Variants in CACNA1A observed in about 807,000 individuals in gnomAD.
CACNA1A encodes voltage-dependent P/Q-type calcium channel subunit alpha-1A.
In CACNA1A, 57 loss-of-function variants were observed where a neutral mutation model predicts 262.4. That is an observed-to-expected ratio of 0.22 (90% CI 0.18 to 0.27). The LOEUF (loss-of-function observed/expected upper bound fraction) is 0.27. Among genes scored for constraint, CACNA1A ranks in the 10% least tolerant of loss-of-function variants. The pLI, the probability that CACNA1A is intolerant of heterozygous loss-of-function variation, is 1.00. For missense variants in CACNA1A, 2,526 were observed against 3,562.8 expected, an observed-to-expected ratio of 0.71 and a Z score of 7.41; for synonymous variants, 1,431 against 1,419.3, an observed-to-expected ratio of 1.01 and a Z score of -0.18.
chr19:13,460,131 C>T (rs11882326), intron 1 of CACNA1A, among the ~76,000 whole-genome samples: 23,057 of 152,092 alleles, frequency 0.15, 2,020 homozygotes, highest in East Asian at 0.25. Context: ...TGACCTCAGA[C>T]CCTTGCTACT....
At chr19:13,384,338 G>C (rs2144620112) in intron 3 of CACNA1A, among the ~76,000 whole-genome samples, 1 of 152,310 alleles carries the variant, frequency 6.6e-6, no homozygotes, top group South Asian at 2.1e-4. Context: ...CCCCAGTGGA[G>C]AGGGAGAAGA....
At chr19:13,480,773 T>G (rs1253836793) in intron 1 of CACNA1A, among the ~76,000 whole-genome samples, 1 of 152,242 alleles carries the variant, frequency 6.6e-6, no homozygotes, top group Non-Finnish European at 1.5e-5. Context: ...ACTATATTTA[T>G]CTATGAATAT....
chr19:13,434,664 G>A (rs1439941634), intron 3 of CACNA1A, among the ~76,000 whole-genome samples: 1 of 152,154 alleles, frequency 6.6e-6, no homozygotes, highest in East Asian at 1.9e-4. Flanking sequence ...ATGATTGTAA[G>A]TTTCCTGAGG....
chr19:13,359,702 G>A lies in CACNA1A; in HGVS notation c.882C>T (p.Pro294=), dbSNP rs1327769750. The stretch of plus-strand genomic sequence containing the variant: ...TGTCGAACTGAGTGATCCCGTTGTT[G>A]GGCCCTTCCCAGTAGGGCTGACATT... ...GTKCQPYWEG[P]NNGITQFDNI... Residue 294 remains proline (P), a synonymous_variant, in exon 6 of 47, where the codon CCC becomes CCT. Transcript: ENST00000360228. 6 of 1,598,444 alleles carry A rather than the reference G, an allele frequency of 3.8e-6. No individual in the cohort carries two copies. The highest frequency in any genetic ancestry group is 1.1e-5 in the South Asian group (1 of 88,234).
chr19:13,487,125 T>C (rs1345823369), intron 1 of CACNA1A, among the ~76,000 whole-genome samples: 1 of 152,194 alleles, frequency 6.6e-6, no homozygotes, highest in African/African-American at 2.4e-5. Context: ...CTCCCCATCA[T>C]TAATTTCACT....
intron 21 of CACNA1A, 32 bp downstream of exon 21, chr19:13,285,036 C>A (rs750911731): frequency 2.5e-6 from 4 of 1,603,498 alleles, no homozygotes; most frequent in East Asian, 2.2e-5. Context: ...GAGCCCCAGG[C>A]CCCCCCTGCC....
intron 7 of CACNA1A, among the ~76,000 whole-genome samples, chr19:13,335,062 G>C (rs749738827): frequency 6.6e-6 from 1 of 151,614 alleles, no homozygotes; most frequent in Non-Finnish European, 1.5e-5. Context: ...GAAAAAAACC[G>C]AAAGGATAAA....
At chr19:13,259,944 C>T (rs769949912) in intron 26 of CACNA1A, 12 of 480,424 alleles carry the variant, frequency 2.5e-5, no homozygotes, top group Non-Finnish European at 4.2e-5. Context: ...GGAGAGCTGA[C>T]CCAGGGTCCA....
Position 13,236,958 on chromosome 19 carries a change from G to A in CACNA1A, c.4951-1228C>T, listed in dbSNP as rs1358128440. ...CAAATCTAGCTAATAAAACTGTTTT[G>A]TTGGGCCCGAGCAGTGTTTTTTCAT... On this transcript the variant is annotated intron_variant, in intron 31 of 46. Transcript: ENST00000360228. The surrounding 1 kb of genome is among the most constrained non-coding windows in gnomAD (Gnocchi z 4.6). Among the ~76,000 whole-genome samples, 1 of 152,102 alleles carries A rather than the reference G, an allele frequency of 6.6e-6. No individual in the cohort carries two copies.
chr19:13,300,940 A>AT (rs372192273), intron 17 of CACNA1A, among the ~76,000 whole-genome samples: 57 of 150,754 alleles, frequency 3.8e-4, no homozygotes, highest in African/African-American at 4.9e-4. Flanking sequence ...CCTGCAGCCT[A>AT]TTTTTTTTTC....
chr19:13,307,861 G>A lies in CACNA1A; in HGVS notation c.1914-7C>T, dbSNP rs2145002450. Reference sequence around the variant, plus strand: ...CCCTTCATCGAAATTAAACCTGCAGGGAGGACACAGACATTTCACGTTGGC... The same window carrying A: ...CCCTTCATCGAAATTAAACCTGCAGAGAGGACACAGACATTTCACGTTGGC... On this transcript the variant is annotated splice_polypyrimidine_tract_variant and splice_region_variant and intron_variant, in intron 14 of 46. Coordinates refer to ENST00000360228, the MANE Select transcript of CACNA1A (RefSeq NM_001127222.2). 1.9e-6 allele frequency: 3 copies of A among 1,613,066 alleles called. No homozygotes were observed. The highest frequency in any genetic ancestry group is 1.3e-5 in the African/African-American group (1 of 75,024).
At position 13,299,109 on chromosome 19, in the gene CACNA1A, C is replaced by T. The variant is rs767534576; in HGVS notation, c.2524G>A (p.Glu842Lys). 5.6e-6 allele frequency: 9 copies of T among 1,612,120 alleles called. No homozygotes were observed. The highest frequency in any genetic ancestry group is 1.1e-5 in the South Asian group (1 of 91,024). Reference sequence around the variant, plus strand: ...CCGAGGCGCTGGTCCACGGTGGGCTCGGCCGCCCGGCTCTTGTTGGTGTTG... The same window carrying T: ...CCGAGGCGCTGGTCCACGGTGGGCTTGGCCGCCCGGCTCTTGTTGGTGTTG... ...NNNTNKSRAA[E>K]PTVDQRLGQQ... The change falls in exon 19 of 47, where the codon GAG becomes AAG. Residue 842 changes from glutamate (E) to lysine (K), a missense_variant. Glu to Lys is a moderately conservative substitution (Grantham distance 56). Transcript: ENST00000360228.
At chr19:13,226,911 G>A (rs1291516125) in intron 37 of CACNA1A, 1 of 152,548 alleles carries the variant, frequency 6.6e-6, no homozygotes, top group Non-Finnish European at 1.5e-5. Flanking sequence ...TCCTTGGAAG[G>A]TCTCGAATCC....
Position 13,241,397 on chromosome 19 carries a change from G to A in CACNA1A, c.4950+3785C>T, listed in dbSNP as rs1233773018. 7.0e-6 allele frequency: 5 copies of A among 715,396 alleles called. No individual in the cohort carries two copies. Among genetic ancestry groups the A allele is most frequent in the African/African-American group, 5.2e-5 (3 of 57,452 alleles). 44.3% of individuals were successfully genotyped at this position (715,396 alleles called of 1,614,324 possible). A position where few individuals can be genotyped will look rare whatever the true frequency, so the allele number is the denominator to read the frequency against. On this transcript the variant is annotated intron_variant, in intron 31 of 46. Transcript: ENST00000360228. This position sits in a 1 kb window ranked among gnomAD's most constrained non-coding sequence, Gnocchi z 4.0. Reference sequence around the variant, plus strand: ...GGACAGACAGACAGAGGAGAGCGGAGGGTTGAGGAGAGCGTCAGGCATCCC... The same window carrying A: ...GGACAGACAGACAGAGGAGAGCGGAAGGTTGAGGAGAGCGTCAGGCATCCC...
rs762678402 is a variant in CACNA1A, at chr19:13,212,396, C to T, written c.6177G>A (p.Gln2059=). 6.2e-7 allele frequency: 1 copy of T among 1,613,662 alleles called. No individual in the cohort carries two copies. The highest frequency in any genetic ancestry group is 8.5e-7 in the Non-Finnish European group (1 of 1,179,754). The change falls in exon 42 of 47, where the codon CAG becomes CAA. Residue 2059 remains glutamine (Q), a synonymous_variant. Coordinates refer to ENST00000360228, the MANE Select transcript of CACNA1A (RefSeq NM_001127222.2). This position sits in a 1 kb window ranked among gnomAD's most constrained non-coding sequence, Gnocchi z 5.6. ...GGGACAGAGGCACCTGAGAGTTAGGCTGGCTGTTGGGCATGTCGGTAGGGG... is the reference window on the plus strand; with the variant it reads ...GGGACAGAGGCACCTGAGAGTTAGGTTGGCTGTTGGGCATGTCGGTAGGGG... ...QGPPTDMPNS[Q]PNSQSVEMRE...
intron 3 of CACNA1A, among the ~76,000 whole-genome samples, chr19:13,438,475 T>C (rs1207173733): frequency 2.6e-5 from 4 of 152,218 alleles, no homozygotes; most frequent in Non-Finnish European, 5.9e-5. Flanking sequence ...GATGAAAAGC[T>C]GCCATGTGAA....
chr19:13,207,844 C>T lies in CACNA1A; in HGVS notation c.6990G>A (p.Pro2330=), dbSNP rs1374304856. The change falls in exon 47 of 47, where the codon CCG becomes CCA. Residue 2330 remains proline (P), a synonymous_variant. Transcript: ENST00000360228. The surrounding 1 kb of genome is among the most constrained non-coding windows in gnomAD (Gnocchi z 5.7). ...GAGGGCCGCTGGTGGCCGCCCGGCC[C>T]GGCCTGGCCACCGCCTGCTGCTGCT... ...QQQQQQAVAR[P]GRAATSGPRR... is the part of the protein sequence containing the mutation. 4.8e-6 allele frequency: 7 copies of T among 1,468,720 alleles called. No homozygotes were observed. The highest frequency in any genetic ancestry group is 2.4e-5 in the Admixed American group (1 of 41,746). The allele number at this position is 1,468,720 out of a possible 1,614,324, so 91.0% of individuals were successfully genotyped here. A position where few individuals can be genotyped will look rare whatever the true frequency, so the allele number is the denominator to read the frequency against.
intron 1 of CACNA1A, among the ~76,000 whole-genome samples, chr19:13,479,332 G>A (rs1978965905): frequency 6.6e-6 from 1 of 152,218 alleles, no homozygotes; most frequent in Non-Finnish European, 1.5e-5. Context: ...TGAGAAGGTG[G>A]CCTTTGAGTG....
chr19:13,461,752 T>C (rs942108669), intron 1 of CACNA1A, among the ~76,000 whole-genome samples: 44 of 152,154 alleles, frequency 2.9e-4, no homozygotes, highest in African/African-American at 9.4e-4. Flanking sequence ...GCTCCCTGAT[T>C]GGCTCGGAGA....
Sources: allele counts gnomAD v4.1 joint callset (sites outside exome capture counted in the v4.1 genomes callset), GRCh38; gene constraint gnomAD v4.1.1; non-coding constraint Gnocchi (gnomAD v3.1); transcripts MANE v1.5; gene names NCBI Gene and HGNC (gene_info 2026-07-23, HGNC 2026-07-21).